C12orf42: variants seen among roughly 807,000 people sequenced by gnomAD.
C12orf42 encodes the protein chromosome 12 open reading frame 42, also known as uncharacterized protein C12orf42.
In C12orf42, 25 loss-of-function variants were observed where a neutral mutation model predicts 21.6. The ratio of observed to expected loss-of-function variants is 1.16; its 90% CI spans 0.84 to 1.62. The LOEUF (loss-of-function observed/expected upper bound fraction) is 1.62, where lower values mean the gene tolerates loss of function less well. Among genes scored for constraint, C12orf42 ranks in the 40% most tolerant of loss-of-function variants. C12orf42 has a pLI of 0.00. For synonymous variants in C12orf42, 174 were observed against 175.0 expected (o/e 0.99, Z 0.05); for missense variants, 483 against 459.3 (o/e 1.05, Z -0.47).
At chr12:103,181,414 T>A in the C12orf42 span, among the ~76,000 whole-genome samples, 1 of 152,168 alleles carries the variant, frequency 6.6e-6, no homozygotes, top group Admixed American at 6.5e-5. Context: ...TAAATGGAAC[T>A]TAGGAGCTTA....
chr12:103,470,909 C>A (rs1439618039), intron 2 of C12orf42, among the ~76,000 whole-genome samples: 1 of 152,210 alleles, frequency 6.6e-6, no homozygotes, highest in East Asian at 1.9e-4. Context: ...TCTGAGTCAA[C>A]TTCAGCCTTT....
the C12orf42 span, among the ~76,000 whole-genome samples, chr12:103,167,641 C>A: frequency 6.6e-6 from 1 of 152,108 alleles, no homozygotes; most frequent in African/African-American, 2.4e-5. Context: ...TCTCCTCTTG[C>A]ATTTCTTCCA....
chr12:103,146,759 T>C, the C12orf42 span, among the ~76,000 whole-genome samples: 1 of 152,276 alleles, frequency 6.6e-6, no homozygotes, highest in African/African-American at 2.4e-5. Flanking sequence ...CAAAGAACAA[T>C]GTTATTTCGT....
At chr12:103,126,977 C>G in the C12orf42 span, among the ~76,000 whole-genome samples, 3 of 152,124 alleles carry the variant, frequency 2.0e-5, no homozygotes, top group Non-Finnish European at 4.4e-5. Flanking sequence ...AACAGATGAT[C>G]AGTCTCACGA....
At chr12:103,409,182 C>T (rs2048642374) in intron 2 of C12orf42, among the ~76,000 whole-genome samples, 1 of 152,166 alleles carries the variant, frequency 6.6e-6, no homozygotes, top group South Asian at 2.1e-4. Flanking sequence ...GTTTGTTCCT[C>T]ACCAGCAAAC....
intron 4 of C12orf42, among the ~76,000 whole-genome samples, chr12:103,324,818 T>A (rs2040517041): frequency 6.6e-6 from 1 of 152,174 alleles, no homozygotes; most frequent in Non-Finnish European, 1.5e-5. Flanking sequence ...TGGCAGATGA[T>A]CCATGGGGCT....
chr12:103,168,381 C>T, the C12orf42 span: 3 of 232,352 alleles, frequency 1.3e-5, no homozygotes, highest in East Asian at 2.5e-4. Flanking sequence ...CCTAGTTCAA[C>T]TCTTTCAATC....
At chr12:103,164,315 A>T in the C12orf42 span, 1 of 425,582 alleles carries the variant, frequency 2.3e-6, no homozygotes, top group Non-Finnish European at 4.7e-6. Flanking sequence ...CTCTAACATC[A>T]CAGCTGTTTG....
At chr12:103,224,838 C>A in the C12orf42 span, among the ~76,000 whole-genome samples, 10 of 152,224 alleles carry the variant, frequency 6.6e-5, no homozygotes, top group South Asian at 1.9e-3. Context: ...AGGGTGCAGT[C>A]CTGGCTCTTG....
the C12orf42 span, among the ~76,000 whole-genome samples, chr12:103,220,404 AATAG>A: frequency 1.3e-5 from 2 of 152,132 alleles, no homozygotes; most frequent in South Asian, 2.1e-4. Flanking sequence ...ATAAAAAAAT[AATAG>A]ATAGAAAAGG....
At chr12:103,285,566 G>A (rs1001822474) in intron 4 of C12orf42, among the ~76,000 whole-genome samples, 5 of 149,918 alleles carry the variant, frequency 3.3e-5, no homozygotes, top group African/African-American at 1.0e-4. Context: ...GCCTTTGATA[G>A]AATAATTACA....
At chr12:103,185,683 T>G in the C12orf42 span, among the ~76,000 whole-genome samples, 3 of 152,062 alleles carry the variant, frequency 2.0e-5, no homozygotes, top group East Asian at 1.9e-4. Context: ...ATGGGGGTGG[T>G]TTCCCCAATA....
At chr12:103,555,938 C>A in the C12orf42 span, among the ~76,000 whole-genome samples, 1 of 152,076 alleles carries the variant, frequency 6.6e-6, no homozygotes, top group Admixed American at 6.6e-5. Context: ...CAGCTCCTAT[C>A]AGCTTGGGAG....
At chr12:103,218,940 G>C in the C12orf42 span, among the ~76,000 whole-genome samples, 4 of 152,180 alleles carry the variant, frequency 2.6e-5, no homozygotes, top group Non-Finnish European at 4.4e-5. Flanking sequence ...ATTCCCTCAG[G>C]TGTCTACACC....
chr12:103,359,750 T>C (rs1433702679), intron 4 of C12orf42, among the ~76,000 whole-genome samples: 2 of 152,032 alleles, frequency 1.3e-5, no homozygotes, highest in African/African-American at 4.8e-5. Flanking sequence ...AGTTATTAAT[T>C]GTTGCCTTCC....
chr12:103,357,722 G>A (rs1432569566), intron 4 of C12orf42, among the ~76,000 whole-genome samples: 1 of 152,090 alleles, frequency 6.6e-6, no homozygotes, highest in Middle Eastern at 3.4e-3. Flanking sequence ...CCTTTCATTG[G>A]CCAGTTCAGC....
intron 4 of C12orf42, among the ~76,000 whole-genome samples, chr12:103,339,359 C>T (rs937901884): frequency 6.6e-6 from 1 of 152,162 alleles, no homozygotes; most frequent in Non-Finnish European, 1.5e-5. Context: ...CCTCCTTCTA[C>T]CCTCCACCCT....
intron 5 of C12orf42, among the ~76,000 whole-genome samples, chr12:103,303,292 GTATA>G (rs2037924214): frequency 1.3e-5 from 2 of 151,514 alleles, no homozygotes; most frequent in African/African-American, 2.4e-5. Flanking sequence ...ATTTTCATAT[GTATA>G]TATAAACTTC....
At chr12:103,317,265 T>C (rs1203711841) in intron 4 of C12orf42, among the ~76,000 whole-genome samples, 1 of 152,202 alleles carries the variant, frequency 6.6e-6, no homozygotes, top group East Asian at 1.9e-4. Flanking sequence ...GAGAAGGATA[T>C]TCTTTCTCCC....
Sources: gnomAD v4.1 joint callset for allele counts (sites outside exome capture counted in the v4.1 genomes callset) on GRCh38, gnomAD v4.1.1 for gene constraint, MANE v1.5 for transcripts, NCBI Gene and HGNC (gene_info 2026-07-23, HGNC 2026-07-21) for gene names.